DMD: variants seen among roughly 807,000 people sequenced by gnomAD.
DMD encodes dystrophin.
In DMD, 63 loss-of-function variants were observed where a neutral mutation model predicts 330.1. The ratio of observed to expected loss-of-function variants is 0.19; its 90% CI spans 0.16 to 0.24. The LOEUF is 0.24. DMD is among the 10% of genes least tolerant of loss of function. The pLI, the probability that DMD is intolerant of heterozygous loss-of-function variation, is 1.00. For missense variants in DMD, 3,344 were observed against 2,684.1 expected (o/e 1.25, Z -5.43); for synonymous variants, 1,223 against 959.8 (o/e 1.27, Z -5.07).
At chrX:32,674,365 C>T (rs2061830293) in intron 9 of DMD, among the ~76,000 whole-genome samples, 1 of 111,503 alleles carries the variant, frequency 9.0e-6, no homozygotes, top group African/African-American at 3.3e-5. Flanking sequence ...ATGTTTTATA[C>T]TTGCTCTTTT....
intron 63 of DMD, among the ~76,000 whole-genome samples, chrX:31,243,145 CTGTAAA>C (rs2048516968): frequency 8.9e-6 from 1 of 112,016 alleles, no homozygotes; most frequent in African/African-American, 3.2e-5. Context: ...TCACAGAAAA[CTGTAAA>C]TGTAAACTGA....
intron 1 of DMD, among the ~76,000 whole-genome samples, chrX:33,079,392 T>A (rs2148224344): frequency 8.9e-6 from 1 of 111,923 alleles, no homozygotes. Flanking sequence ...TAGCCAGAGT[T>A]AAAGACACAA....
intron 55 of DMD, among the ~76,000 whole-genome samples, chrX:31,594,256 G>A (rs1208392605): frequency 9.0e-6 from 1 of 110,500 alleles, no homozygotes; most frequent in Non-Finnish European, 1.9e-5. Context: ...CTTGGTGGAG[G>A]TAAAAATATC....
chrX:32,712,982 C>T (rs1399155272), intron 7 of DMD, among the ~76,000 whole-genome samples: 1 of 111,217 alleles, frequency 9.0e-6, no homozygotes, highest in African/African-American at 3.3e-5. Context: ...ATTAGCTAAC[C>T]TATTCTATCT....
chrX:32,307,458 T>G (rs1246203273), intron 42 of DMD, among the ~76,000 whole-genome samples: 6 of 111,780 alleles, frequency 5.4e-5, no homozygotes, highest in African/African-American at 1.9e-4. Context: ...GAGAGAGCCC[T>G]AAGGCAAACA....
chrX:33,200,516 G>A, intron 1 of DMD, among the ~76,000 whole-genome samples: 1 of 111,387 alleles, frequency 9.0e-6, no homozygotes, highest in African/African-American at 3.3e-5. Context: ...CTGTCATAAA[G>A]ACTTTCTTTT....
intron 1 of DMD, among the ~76,000 whole-genome samples, chrX:33,256,165 T>C (rs1342229295): frequency 1.8e-5 from 2 of 111,462 alleles, no homozygotes; most frequent in African/African-American, 6.5e-5. Flanking sequence ...TGTCTAATTA[T>C]TGTCCTTCTG....
intron 44 of DMD, among the ~76,000 whole-genome samples, chrX:31,997,431 T>TTG (rs1353920328): frequency 1.8e-5 from 2 of 108,363 alleles, no homozygotes; most frequent in Non-Finnish European, 3.8e-5. Context: ...TTTTTTTGTT[T>TTG]TTTGTTTTTT....
intron 1 of DMD, among the ~76,000 whole-genome samples, chrX:33,157,724 G>T (rs1299475736): frequency 8.9e-6 from 1 of 112,457 alleles, no homozygotes; most frequent in Non-Finnish European, 1.9e-5. Context: ...GGGAGGCTGA[G>T]GTGGGTGGAT....
chrX:32,729,567 C>G (rs1343210868), intron 7 of DMD, among the ~76,000 whole-genome samples: 1 of 111,789 alleles, frequency 8.9e-6, no homozygotes, highest in South Asian at 3.7e-4. Flanking sequence ...ACCACCCCCC[C>G]AATCTATCTT....
chrX:32,056,251 G>T (rs2096172199), intron 44 of DMD, among the ~76,000 whole-genome samples: 1 of 109,462 alleles, frequency 9.1e-6, no homozygotes, highest in African/African-American at 3.3e-5. Context: ...TAAGCCCAAA[G>T]TTAGCAGAGG....
At chrX:31,371,443 A>C (rs1012093812) in intron 60 of DMD, among the ~76,000 whole-genome samples, 4 of 112,182 alleles carry the variant, frequency 3.6e-5, no homozygotes, top group Non-Finnish European at 7.5e-5. Context: ...GGTAATAAGA[A>C]AAAAAACTAA....
At chrX:33,253,755 T>C (rs958370283) in intron 1 of DMD, among the ~76,000 whole-genome samples, 5 of 111,289 alleles carry the variant, frequency 4.5e-5, no homozygotes, top group Non-Finnish European at 7.6e-5. Flanking sequence ...CCGTCTCTGA[T>C]GGTCATCTAG....
At chrX:31,282,211 G>A (rs2052670235) in intron 62 of DMD, among the ~76,000 whole-genome samples, 1 of 112,050 alleles carries the variant, frequency 8.9e-6, no homozygotes, top group African/African-American at 3.2e-5. Flanking sequence ...TATTTTTGCA[G>A]ATTTTAACTA....
rs2098279777 is a variant in DMD at position 32,441,067 on chromosome X, A to T, written c.3921+113T>A. 4.9e-6 allele frequency: 4 copies of T among 822,933 alleles called. No individual in the cohort carries two copies. In the South Asian group the frequency reaches 9.2e-5, roughly 19 times the overall value. The allele number at this position is 822,933 out of a possible 1,213,427, so 67.8% of individuals were successfully genotyped here. The stretch of plus-strand genomic sequence containing the variant: ...CAAAGTACCAGTGCTGAGTGATAAC[A>T]TAGTAATTATACTCTCTTGGGTTGT... On this transcript the variant is annotated intron_variant, in intron 28 of 78. Coordinates refer to ENST00000357033, the MANE Select transcript of DMD (RefSeq NM_004006.3).
intron 4 of DMD, among the ~76,000 whole-genome samples, chrX:32,836,524 T>C (rs903685441): frequency 9.0e-6 from 1 of 111,430 alleles, no homozygotes; most frequent in Admixed American, 9.6e-5. Context: ...ATATTTTATC[T>C]AGTGTTTCTT....
At chrX:32,860,241 G>A (rs2081973559) in intron 2 of DMD, among the ~76,000 whole-genome samples, 1 of 111,742 alleles carries the variant, frequency 8.9e-6, no homozygotes, top group Non-Finnish European at 1.9e-5. Context: ...CATTTGTGAA[G>A]GTGTTTAAGT....
chrX:33,128,092 T>C (rs1302984569), intron 1 of DMD: 8 of 1,192,327 alleles, frequency 6.7e-6, no homozygotes, highest in Non-Finnish European at 9.0e-6. Flanking sequence ...TGAATGCTTG[T>C]GGAATTTATC....
At position 33,131,145 on chromosome X, in the gene DMD, G is replaced by A. The variant is rs146965855; in HGVS notation, c.31+80137C>T. Among the ~76,000 whole-genome samples the A allele has an allele frequency of 4.8e-3, 535 of 110,770 alleles. 1 individual carries two copies. The highest frequency in any genetic ancestry group is 0.016 in the African/African-American group (497 of 30,435). On this transcript the variant is annotated intron_variant, in intron 1 of 78. Transcript: ENST00000357033. ...ACGGGTTCTGATTCGGTAATTTTAG[G>A]TGGGACCTGAGATTCTGCATTTCCA...
Sources: gnomAD v4.1 joint callset for allele counts (sites outside exome capture counted in the v4.1 genomes callset) on GRCh38, gnomAD v4.1.1 for gene constraint, MANE v1.5 for transcripts, NCBI Gene and HGNC (gene_info 2026-07-23, HGNC 2026-07-21) for gene names.